The following ZRANB1 variants were observed in gnomAD, a reference collection of about 807,000 sequenced individuals.
ZRANB1 encodes zinc finger RANBP2-type containing 1.
ZRANB1 carries 16 observed loss-of-function variants against 80.5 expected under a neutral mutation model. The ratio of observed to expected loss-of-function variants is 0.20; its 90% CI spans 0.13 to 0.30. The LOEUF is 0.30. ZRANB1 is among the 10% of genes least tolerant of loss of function. ZRANB1 has a pLI of 1.00. For synonymous variants in ZRANB1, 291 were observed against 293.1 expected (o/e 0.99, Z 0.07); for missense variants, 576 against 862.6 (o/e 0.67, Z 4.16).
chr10:124,947,925 T>G (rs1436268993), intron 1 of ZRANB1, among the ~76,000 whole-genome samples: 1 of 152,200 alleles, frequency 6.6e-6, no homozygotes, highest in African/African-American at 2.4e-5. Context: ...CCTCTAGTGA[T>G]CACCTGTTTT....
In ZRANB1 at chr10:124,985,118, T is replaced by C; in HGVS notation, c.*126T>C. 1.4e-6 allele frequency: 1 copy of C among 729,930 alleles called. No homozygotes were observed. Among genetic ancestry groups the C allele is most frequent in the Admixed American group, 2.5e-5 (1 of 39,526 alleles). 45.2% of individuals were successfully genotyped at this position (729,930 alleles called of 1,614,324 possible). A position where few individuals can be genotyped will look rare whatever the true frequency, so the allele number is the denominator to read the frequency against. On this transcript the variant is annotated 3_prime_UTR_variant, in exon 9 of 9. Transcript: ENST00000359653. ...ATCTGGCAGGATCTGCTCGGGGAAG[T>C]GTTTTCCTGGACCACACACACCTTA...
intron 2 of ZRANB1, among the ~76,000 whole-genome samples, chr10:124,970,459 A>T (rs1951814025): frequency 1.3e-5 from 2 of 151,906 alleles, no homozygotes; most frequent in Admixed American, 1.3e-4. Context: ...GCAGAGTTTC[A>T]TTATGTTGCC....
intron 8 of ZRANB1, among the ~76,000 whole-genome samples, chr10:124,984,147 C>T (rs1164142305): frequency 6.6e-6 from 1 of 151,990 alleles, no homozygotes; most frequent in Non-Finnish European, 1.5e-5. Flanking sequence ...CTCTGGATAA[C>T]GTGGTAAACC....
rs1444764158 is a variant in ZRANB1 at position 124,984,945 on chromosome 10, A to G, written c.2080A>G (p.Thr694Ala). 1.2e-6 allele frequency: 2 copies of G among 1,614,014 alleles called. No homozygotes were observed. Among genetic ancestry groups the G allele is most frequent in the Non-Finnish European group, 8.5e-7 (1 of 1,179,992 alleles). ...LDRYRQIRPC[T>A]SLSDGEEDED... ...CCGCTACCGACAGATCCGGCCGTGT[A>G]CATCCCTGTCTGATGGAGAGGAAGA... The change falls in exon 9 of 9, where the codon ACA becomes GCA. Residue 694 changes from threonine to alanine, a missense_variant. Around this residue, in one of 3 missense-constraint regions of ZRANB1, gnomAD observed 152 missense variants for 221.9 expected, o/e 0.69. Coordinates refer to ENST00000359653, the MANE Select transcript of ZRANB1 (RefSeq NM_017580.3).
chr10:124,960,659 G>A (rs1392826432), intron 1 of ZRANB1, among the ~76,000 whole-genome samples: 2 of 152,078 alleles, frequency 1.3e-5, no homozygotes. Flanking sequence ...GGCTCTAAGC[G>A]ATTCTCCTGC....
chr10:124,973,529 G>A, intron 3 of ZRANB1, 116 bp from the exon 4 acceptor site: 1 of 843,992 alleles, frequency 1.2e-6, no homozygotes, highest in Non-Finnish European at 1.9e-6. Flanking sequence ...AACCTTCAAT[G>A]GAAAGGGAGT....
the ZRANB1 span, among the ~76,000 whole-genome samples, chr10:124,920,040 C>G: frequency 6.7e-6 from 1 of 150,046 alleles, no homozygotes; most frequent in African/African-American, 2.5e-5. Flanking sequence ...CTGCCTCAGT[C>G]TCTCGAGTAG....
the ZRANB1 span, among the ~76,000 whole-genome samples, chr10:124,926,966 T>C: frequency 3.6e-3 from 549 of 152,320 alleles, 2 homozygotes; most frequent in African/African-American, 0.011. Context: ...TCTCTTTTTT[T>C]CTTTTTTTGA....
In ZRANB1 at chr10:124,983,197, C is replaced by T. The variant is rs1477084631; in HGVS notation, c.1571C>T (p.Thr524Met). 5.0e-6 allele frequency: 8 copies of T among 1,613,744 alleles called. No individual in the cohort carries two copies. The highest frequency in any genetic ancestry group is 1.1e-5 in the South Asian group (1 of 90,998). ...CAGCCTGGAGCAAGCTTGGAGCAGACGCACATTTTTGTACTGGCACATATT... is the reference window on the plus strand; with the variant it reads ...CAGCCTGGAGCAAGCTTGGAGCAGATGCACATTTTTGTACTGGCACATATT... ...ASQPGASLEQ[T>M]HIFVLAHILR... The change falls in exon 7 of 9, where the codon ACG (threonine) becomes ATG (methionine). Residue 524 changes from threonine to methionine, a missense_variant. Thr to Met is a moderately conservative substitution (Grantham distance 81). Coordinates refer to ENST00000359653, the MANE Select transcript of ZRANB1 (RefSeq NM_017580.3). This position sits in a 1 kb window ranked among gnomAD's most constrained non-coding sequence, Gnocchi z 6.2.
intron 1 of ZRANB1, among the ~76,000 whole-genome samples, chr10:124,954,528 A>G (rs1340852833): frequency 1.3e-5 from 2 of 150,290 alleles, no homozygotes; most frequent in African/African-American, 2.5e-5. Flanking sequence ...GCTCACTGCA[A>G]CCTCTACCTT....
At chr10:124,960,187 T>A (rs1589847051) in intron 1 of ZRANB1, among the ~76,000 whole-genome samples, 1 of 152,178 alleles carries the variant, frequency 6.6e-6, no homozygotes, top group Non-Finnish European at 1.5e-5. Context: ...GGGCTGTGAG[T>A]GTCTACAGAA....
chr10:124,936,375 A>G, the ZRANB1 span, among the ~76,000 whole-genome samples: 18 of 152,232 alleles, frequency 1.2e-4, no homozygotes, highest in Non-Finnish European at 2.5e-4. Flanking sequence ...ACCACTAGAA[A>G]GAATCTGTGG....
At position 124,974,213 on chromosome 10, in the gene ZRANB1, A is replaced by G. The variant is rs762171928; in HGVS notation, c.1242A>G (p.Glu414=). 1.2e-6 allele frequency: 2 copies of G among 1,614,242 alleles called. No individual in the cohort carries two copies. Among genetic ancestry groups the G allele is most frequent in the South Asian group, 2.2e-5 (2 of 91,088 alleles). ...TCCATCGTACAGAATTAGAAGAAGAATCTCCAATTATTAACTGGTCCTTGG... is the reference window on the plus strand; with the variant it reads ...TCCATCGTACAGAATTAGAAGAAGAGTCTCCAATTATTAACTGGTCCTTGG... ...DRDVQKELEE[E]SPIINWSLEL... is the part of the protein sequence containing the mutation. Residue 414 remains glutamate (E), a synonymous_variant, in exon 5 of 9, where the codon GAA becomes GAG. Coordinates refer to ENST00000359653, the MANE Select transcript of ZRANB1 (RefSeq NM_017580.3).
intron 1 of ZRANB1, among the ~76,000 whole-genome samples, chr10:124,963,596 T>C (rs921193719): frequency 7.2e-6 from 1 of 139,744 alleles, no homozygotes; most frequent in Admixed American, 7.5e-5. Context: ...ATTATGATGC[T>C]TTTTCCCTGC....
chr10:124,965,491 G>A (rs141135857), intron 1 of ZRANB1, among the ~76,000 whole-genome samples: 341 of 152,226 alleles, frequency 2.2e-3, no homozygotes, highest in African/African-American at 7.5e-3. Context: ...TTGAAGCCTT[G>A]TTATCTTTAC....
At chr10:124,939,047 T>A (rs1377174298), upstream of ZRANB1, among the ~76,000 whole-genome samples, 1 of 151,926 alleles carries the variant, frequency 6.6e-6, no homozygotes, top group African/African-American at 2.4e-5. Flanking sequence ...CATGGTGGGA[T>A]GCGCCTGTGG....
the ZRANB1 span, among the ~76,000 whole-genome samples, chr10:124,924,927 G>A: frequency 6.7e-6 from 1 of 148,166 alleles, no homozygotes; most frequent in Middle Eastern, 3.5e-3. Context: ...TTTTTTTTGA[G>A]ACAGCGTCTC....
At position 124,954,140 on chromosome 10, in the gene ZRANB1, G is replaced by GTTTTTTTTTTTTT. The variant is rs55962412; in HGVS notation, c.814+10847_814+10859dup. ...GCACCACCATCCCCAGCTAATTCCT[G>GTTTTTTTTTTTTT]TTTTTTTTTTTTTTTTTTTTTTTTT... On this transcript the variant is annotated intron_variant, in intron 1 of 8. Transcript: ENST00000359653. Among the ~76,000 whole-genome samples the GTTTTTTTTTTTTT allele has an allele frequency of 3.8e-5, 2 of 52,510 alleles. 1 individual carries two copies. The highest frequency in any genetic ancestry group is 1.7e-4 in the African/African-American group (2 of 11,918). 34.4% of individuals were successfully genotyped at this position (52,510 alleles called of 152,430 possible).
At chr10:124,957,830 G>T (rs1294246619) in intron 1 of ZRANB1, among the ~76,000 whole-genome samples, 1 of 151,964 alleles carries the variant, frequency 6.6e-6, no homozygotes. Context: ...AGGTTCAAGG[G>T]ATTCTCCTGC....
Sources: allele counts gnomAD v4.1 joint callset (sites outside exome capture counted in the v4.1 genomes callset), GRCh38; gene constraint gnomAD v4.1.1; regional missense constraint gnomAD v4.1.1; non-coding constraint Gnocchi (gnomAD v3.1); transcripts MANE v1.5; gene names NCBI Gene and HGNC (gene_info 2026-07-23, HGNC 2026-07-21).